The following ALDH1L2 variants were observed in gnomAD, a reference collection of about 807,000 sequenced individuals.
The protein encoded by ALDH1L2 is aldehyde dehydrogenase 1 family member L2, also known as mitochondrial 10-formyltetrahydrofolate dehydrogenase.
A neutral mutation model predicts 111.0 loss-of-function variants in ALDH1L2; 91 were observed. That is an observed-to-expected ratio of 0.82 (90% CI 0.69 to 0.98). The LOEUF (loss-of-function observed/expected upper bound fraction) is 0.98, where lower values mean the gene tolerates loss of function less well. Ranked by LOEUF, ALDH1L2 falls within the 50% of genes least tolerant of loss-of-function variation. The pLI is 0.00. For missense variants in ALDH1L2, 995 were observed against 1,126.8 expected (o/e 0.88, Z 1.67); for synonymous variants, 374 against 392.6 (o/e 0.95, Z 0.56).
chr12:105,072,028 G>A (rs1000178141), intron 2 of ALDH1L2, among the ~76,000 whole-genome samples: 3 of 151,424 alleles, frequency 2.0e-5, no homozygotes, highest in African/African-American at 7.3e-5. Flanking sequence ...CCAGGTTGCA[G>A]TAAGCTATTA....
In ALDH1L2 at chr12:105,052,788, T is replaced by C. The variant is rs61261767; in HGVS notation, c.1407+24A>G. ...CTAAAAATCCATGACCAGTGATCAC[T>C]ACTCACACTAAAGAATTACTCACAG... On this transcript the variant is annotated intron_variant, in intron 11 of 22. Transcript: ENST00000258494. The C allele has an allele frequency of 2.8e-3, 4,543 of 1,613,656 alleles. 98 individuals are homozygous for C. The African/African-American group carries it at 0.054, about 19-fold the overall frequency.
intron 5 of ALDH1L2, among the ~76,000 whole-genome samples, chr12:105,066,061 C>T (rs531776641): frequency 2.0e-5 from 3 of 152,204 alleles, no homozygotes; most frequent in South Asian, 4.1e-4. Context: ...TGATCCTCCT[C>T]CCTCAGCCTC....
In ALDH1L2 at chr12:105,036,514, TTATATATATATATATATATATATATATA is replaced by T. The variant is rs1182802302; in HGVS notation, c.2145+1561_2145+1588del. 1.4e-3 allele frequency among the ~76,000 whole-genome samples: 32 copies of T among 23,664 alleles called. 3 individuals carry two copies. Among genetic ancestry groups the T allele is most frequent in the Middle Eastern group, 0.024 (1 of 42 alleles). The allele number at this position is 23,664 out of a possible 152,430, so 15.5% of individuals were successfully genotyped here. On this transcript the variant is annotated intron_variant, in intron 18 of 22. Transcript: ENST00000258494. ...ATATTTATATATGTATATATATATT[TTATATATATATATATATATATATATATA>T]TATATATATATATATATATATATAA... is the stretch of plus-strand genomic sequence containing the variant.
intron 2 of ALDH1L2, among the ~76,000 whole-genome samples, chr12:105,071,925 CA>C (rs1470314436): frequency 4.0e-5 from 6 of 148,942 alleles, no homozygotes; most frequent in Non-Finnish European, 7.4e-5. Flanking sequence ...CCATCTCTAC[CA>C]AAAAAACAAA....
intron 15 of ALDH1L2, among the ~76,000 whole-genome samples, chr12:105,045,733 G>C (rs944531648): frequency 6.6e-6 from 1 of 151,988 alleles, no homozygotes; most frequent in African/African-American, 2.4e-5. Flanking sequence ...CAAAATGGCC[G>C]TGGCCACATG....
chr12:105,045,129 G>A (rs1044569819), intron 15 of ALDH1L2, among the ~76,000 whole-genome samples: 1 of 152,124 alleles, frequency 6.6e-6, no homozygotes, highest in Non-Finnish European at 1.5e-5. Context: ...TGTTGCCCAG[G>A]CTGGAGTGCA....
chr12:105,082,993 C>T (rs185218601), intron 1 of ALDH1L2, among the ~76,000 whole-genome samples: 109 of 152,332 alleles, frequency 7.2e-4, no homozygotes, highest in African/African-American at 2.5e-3. Context: ...TGCACCCCTG[C>T]GTACAGTTAG....
At chr12:105,025,625 A>G (rs982684863) in intron 22 of ALDH1L2, among the ~76,000 whole-genome samples, 1 of 152,230 alleles carries the variant, frequency 6.6e-6, no homozygotes, top group Non-Finnish European at 1.5e-5. Context: ...TACATGGCCA[A>G]AGTCATTAGT....
intron 15 of ALDH1L2, among the ~76,000 whole-genome samples, chr12:105,045,252 T>G (rs1409604679): frequency 6.6e-6 from 1 of 151,996 alleles, no homozygotes; most frequent in Non-Finnish European, 1.5e-5. Context: ...CCCAGCTAAT[T>G]TTTTGTATTT....
At chr12:105,031,632 G>A (rs1874700239) in intron 20 of ALDH1L2, 137 bp downstream of exon 20, 3 of 1,242,856 alleles carry the variant, frequency 2.4e-6, no homozygotes, top group Non-Finnish European at 2.2e-6. Flanking sequence ...CCAGTAGCAG[G>A]TGCGTGCCAC....
chr12:105,052,483 T>G (rs1326416763), intron 11 of ALDH1L2, among the ~76,000 whole-genome samples: 2 of 152,188 alleles, frequency 1.3e-5, no homozygotes, highest in Non-Finnish European at 2.9e-5. Flanking sequence ...TTCCAGTGCT[T>G]TAGGAAAGCT....
At chr12:105,065,386 T>G (rs770388887) in intron 5 of ALDH1L2, 30 bp from the exon 6 acceptor site, 1 of 1,581,954 alleles carries the variant, frequency 6.3e-7, no homozygotes, top group Non-Finnish European at 8.7e-7. Flanking sequence ...AGGCTGAGCC[T>G]CCTATGGCTG....
intron 7 of ALDH1L2, among the ~76,000 whole-genome samples, chr12:105,061,976 T>G (rs1294383656): frequency 6.6e-6 from 1 of 152,156 alleles, no homozygotes; most frequent in Non-Finnish European, 1.5e-5. Flanking sequence ...CATCTCAAAA[T>G]GGAAAATAAG....
At chr12:105,028,111 G>C (rs1382872232) in intron 21 of ALDH1L2, among the ~76,000 whole-genome samples, 1 of 151,992 alleles carries the variant, frequency 6.6e-6, no homozygotes, top group East Asian at 1.9e-4. Context: ...CCAGGTTGTT[G>C]TTGTTGTTTT....
At chr12:105,030,624 C>T (rs1874646792) in intron 20 of ALDH1L2, among the ~76,000 whole-genome samples, 195 bp from the exon 21 acceptor site, 2 of 152,120 alleles carry the variant, frequency 1.3e-5, no homozygotes, top group South Asian at 4.2e-4. Flanking sequence ...AAATGTCAAA[C>T]CTATGTAAAG....
chr12:105,062,184 G>A (rs1359991471), intron 7 of ALDH1L2, among the ~76,000 whole-genome samples: 1 of 152,188 alleles, frequency 6.6e-6, no homozygotes, highest in African/African-American at 2.4e-5. Flanking sequence ...TGTGCTGAAG[G>A]ATCTTACCTA....
At position 105,040,620 on chromosome 12, in the gene ALDH1L2, G is replaced by A. The variant is rs1401424342; in HGVS notation, c.1938C>T (p.Ile646=). 6.2e-7 allele frequency: 1 copy of A among 1,614,104 alleles called. No individual in the cohort carries two copies. Among genetic ancestry groups the A allele is most frequent in the African/African-American group, 1.3e-5 (1 of 75,030 alleles). The part of the protein sequence containing the change: ...KAGFPKGVIN[I]IPGSGGIAGQ... ...TTAGTGGCTTACCTGAGCCTGGAAT[G>A]ATGTTGATGACCCCCTTTGGAAAGC... The change falls in exon 16 of 23, where the codon ATC becomes ATT. Residue 646 remains isoleucine (I), a synonymous_variant. Transcript: ENST00000258494.
At position 105,042,517 on chromosome 12, in the gene ALDH1L2, T is replaced by G. The variant is rs191447416; in HGVS notation, c.1864-1823A>C. ...ATTCTCTTCAATGGGGTCATGTTAT[T>G]CATTTGAAATATGGCTTAATTTGTT... On this transcript the variant is annotated intron_variant, in intron 15 of 22. Coordinates refer to ENST00000258494, the MANE Select transcript of ALDH1L2 (RefSeq NM_001034173.4). Among the ~76,000 whole-genome samples, 6 of 152,320 alleles carry G rather than the reference T, an allele frequency of 3.9e-5. No homozygotes were observed. In the East Asian group the frequency reaches 9.6e-4, roughly 24 times the overall value.
In ALDH1L2 at chr12:105,073,938, C is replaced by T. The variant is rs753919357; in HGVS notation, c.116G>A (p.Ser39Asn). ...GQSLFGQEVYSHLRKEGHRVV... is the reference protein window; with the variant it reads ...GQSLFGQEVYNHLRKEGHRVV... ...TCGGTGGCCCTCTTTGCGGAGGTGG[C>T]TATAGACTTCTTGTCCAAAGAGGCT... Residue 39 changes from serine to asparagine, a missense_variant, in exon 2 of 23, where the codon AGC becomes AAC. Coordinates refer to ENST00000258494, the MANE Select transcript of ALDH1L2 (RefSeq NM_001034173.4). The T allele has an allele frequency of 5.0e-6, 8 of 1,614,114 alleles. No individual in the cohort carries two copies. The Admixed American group carries it at 1.3e-4, about 27-fold the overall frequency.
Sources: gnomAD v4.1 joint callset for allele counts (sites outside exome capture counted in the v4.1 genomes callset) on GRCh38, gnomAD v4.1.1 for gene constraint, MANE v1.5 for transcripts, NCBI Gene and HGNC (gene_info 2026-07-23, HGNC 2026-07-21) for gene names.